The following CNTN3 variants were observed in gnomAD, a reference collection of about 807,000 sequenced individuals.
The protein encoded by CNTN3 is contactin-3.
CNTN3 carries 60 observed loss-of-function variants against 119.1 expected under a neutral mutation model. The ratio of observed to expected loss-of-function variants is 0.50; its 90% CI spans 0.41 to 0.62. The LOEUF is 0.62. Ranked by LOEUF, CNTN3 falls within the 20% of genes least tolerant of loss-of-function variation. The pLI is 0.00. For synonymous variants in CNTN3, 450 were observed against 438.7 expected (o/e 1.03, Z -0.32); for missense variants, 1,101 against 1,242.4 (o/e 0.89, Z 1.71).
intron 1 of CNTN3, among the ~76,000 whole-genome samples, chr3:74,601,202 A>G (rs1207925361): frequency 2.0e-5 from 3 of 152,042 alleles, no homozygotes; most frequent in Admixed American, 6.6e-5. Context: ...TGGATTCCTT[A>G]CAATAGATTT....
chr3:74,293,047 T>C (rs1702265651), intron 19 of CNTN3, among the ~76,000 whole-genome samples: 1 of 152,230 alleles, frequency 6.6e-6, no homozygotes, highest in South Asian at 2.1e-4. Context: ...GTCCAGACTA[T>C]TCTGTCTCTG....
intron 4 of CNTN3, among the ~76,000 whole-genome samples, chr3:74,446,849 G>GT (rs1020878576): frequency 5.9e-5 from 9 of 151,944 alleles, no homozygotes; most frequent in African/African-American, 2.2e-4. Context: ...TAGGGTATAA[G>GT]TTTTTTTGAG....
At chr3:74,285,817 A>ATC (rs1271200676) in intron 19 of CNTN3, among the ~76,000 whole-genome samples, 1 of 119,742 alleles carries the variant, frequency 8.4e-6, no homozygotes, top group East Asian at 2.4e-4. Context: ...ATATATATAT[A>ATC]TATATATATA....
chr3:74,409,355 C>A (rs1386665084), intron 5 of CNTN3, among the ~76,000 whole-genome samples: 1 of 152,162 alleles, frequency 6.6e-6, no homozygotes, highest in Non-Finnish European at 1.5e-5. Flanking sequence ...CTAGCTGTCA[C>A]CAATCAGGTA....
rs28656228 is a variant in CNTN3, at chr3:74,572,654, C to G, written c.-81+41737G>C. 8.3e-3 allele frequency among the ~76,000 whole-genome samples: 1,260 copies of G among 152,290 alleles called. 17 individuals carry two copies. The highest frequency in any genetic ancestry group is 0.029 in the African/African-American group (1,195 of 41,560). ...TAAATTTGATTTTCTCTGTAACAGC[C>G]AGGAAAGCCTACCTGTAACTTTTGG... On this transcript the variant is annotated intron_variant, in intron 1 of 22. Coordinates refer to ENST00000263665, the MANE Select transcript of CNTN3 (RefSeq NM_020872.3).
chr3:74,371,240 G>A lies in CNTN3; in HGVS notation c.614C>T (p.Ala205Val). 1.2e-6 allele frequency: 2 copies of A among 1,613,356 alleles called. No individual in the cohort carries two copies. Among genetic ancestry groups the A allele is most frequent in the South Asian group, 2.2e-5 (2 of 91,068 alleles). Residue 205 changes from alanine to valine, a missense_variant, in exon 6 of 23, where the codon GCC becomes GTC. Physicochemically the swap from Ala to Val is moderately conservative, Grantham distance 64. Transcript: ENST00000263665. ...AGGAGTTGGAGAGCCCAGCACTCGG[G>A]CATTTGTCACCATACTTGTCACCAC... ...TCVVTSMVTN[A>V]RVLGSPTPLV...
intron 20 of CNTN3, among the ~76,000 whole-genome samples, chr3:74,282,456 C>T (rs1702031738): frequency 6.6e-6 from 1 of 152,168 alleles, no homozygotes; most frequent in Non-Finnish European, 1.5e-5. Flanking sequence ...GCTTGCTTCT[C>T]TAAGTTTCAT....
At chr3:74,607,161 G>A (rs765712396) in intron 1 of CNTN3, among the ~76,000 whole-genome samples, 11 of 151,984 alleles carry the variant, frequency 7.2e-5, no homozygotes, top group Non-Finnish European at 1.5e-4. Context: ...GCACAGGGGC[G>A]AGGGAGGTGC....
At chr3:74,572,452 C>T (rs1210655329) in intron 1 of CNTN3, among the ~76,000 whole-genome samples, 2 of 151,914 alleles carry the variant, frequency 1.3e-5, no homozygotes, top group South Asian at 2.1e-4. Context: ...CCAAGAAATA[C>T]TATGCAGAAA....
chr3:74,452,297 C>T (rs1257245679), intron 4 of CNTN3, among the ~76,000 whole-genome samples: 2 of 130,998 alleles, frequency 1.5e-5, no homozygotes, highest in Admixed American at 7.9e-5. Context: ...GGAGTTCACT[C>T]ATGATTTGGC....
At chr3:74,582,670 A>T (rs752215937) in intron 1 of CNTN3, among the ~76,000 whole-genome samples, 3 of 152,194 alleles carry the variant, frequency 2.0e-5, no homozygotes, top group Non-Finnish European at 4.4e-5. Flanking sequence ...CTAAAATAAA[A>T]GAGACTGGCA....
At chr3:74,391,693 A>G (rs923314629) in intron 5 of CNTN3, among the ~76,000 whole-genome samples, 7 of 150,842 alleles carry the variant, frequency 4.6e-5, no homozygotes, top group African/African-American at 1.7e-4. Context: ...CAGCCTCCGG[A>G]GTAGCTGGGA....
At chr3:74,463,705 GTTA>G (rs1702411457) in intron 4 of CNTN3, among the ~76,000 whole-genome samples, 3 of 152,184 alleles carry the variant, frequency 2.0e-5, no homozygotes, top group South Asian at 4.1e-4. Flanking sequence ...CATGTTTTCT[GTTA>G]TTGTTGTTTT....
At chr3:74,315,580 G>A (rs555614872) in intron 13 of CNTN3, among the ~76,000 whole-genome samples, 14 of 152,080 alleles carry the variant, frequency 9.2e-5, no homozygotes, top group East Asian at 3.9e-4. Flanking sequence ...TAAAAAATTC[G>A]TACAATGTCT....
At chr3:74,280,470 A>T (rs1701982024) in intron 20 of CNTN3, among the ~76,000 whole-genome samples, 1 of 152,230 alleles carries the variant, frequency 6.6e-6, no homozygotes, top group Non-Finnish European at 1.5e-5. Context: ...TTTGCCCAAG[A>T]TGAATCAATG....
At chr3:74,573,274 T>C (rs1440470926) in intron 1 of CNTN3, among the ~76,000 whole-genome samples, 2 of 151,946 alleles carry the variant, frequency 1.3e-5, no homozygotes, top group East Asian at 1.9e-4. Flanking sequence ...GGGTGCACAA[T>C]TGAAGAGTGC....
chr3:74,557,284 C>G (rs1168972345), intron 1 of CNTN3, among the ~76,000 whole-genome samples: 1 of 152,062 alleles, frequency 6.6e-6, no homozygotes, highest in Non-Finnish European at 1.5e-5. Flanking sequence ...GGAGTTCTAC[C>G]TATAATCCAT....
At chr3:74,461,614 C>A (rs1702369138) in intron 4 of CNTN3, among the ~76,000 whole-genome samples, 1 of 152,080 alleles carries the variant, frequency 6.6e-6, no homozygotes, top group Non-Finnish European at 1.5e-5. Context: ...GTTTCCCAAA[C>A]TAGATCCATT....
intron 1 of CNTN3, among the ~76,000 whole-genome samples, chr3:74,594,449 C>T (rs1025650594): frequency 1.3e-5 from 2 of 151,806 alleles, no homozygotes. Context: ...CCCTCTCCCC[C>T]CACCCCACAA....
Sources: gnomAD v4.1 joint callset for allele counts (sites outside exome capture counted in the v4.1 genomes callset) on GRCh38, gnomAD v4.1.1 for gene constraint, MANE v1.5 for transcripts, NCBI Gene and HGNC (gene_info 2026-07-23, HGNC 2026-07-21) for gene names.